Variants in THEMIS observed in about 807,000 individuals in gnomAD.
THEMIS encodes thymocyte selection associated.
In THEMIS, 37 loss-of-function variants were observed where a neutral mutation model predicts 52.6. That is an observed-to-expected ratio of 0.70 (90% confidence interval 0.54 to 0.93). The LOEUF (loss-of-function observed/expected upper bound fraction) is 0.93. Among genes scored for constraint, THEMIS ranks in the 40% least tolerant of loss-of-function variants. The pLI, the probability that THEMIS is intolerant of heterozygous loss-of-function variation, is 0.00. For synonymous variants in THEMIS, 292 were observed against 272.7 expected (o/e 1.07, Z -0.70); for missense variants, 808 against 763.1 (o/e 1.06, Z -0.69).
At position 127,821,850 on chromosome 6, in the gene THEMIS, A is replaced by G. The variant is rs529913952; in HGVS notation, c.709+7626T>C. On this transcript the variant is annotated intron_variant, in intron 3 of 5. Transcript: ENST00000368248. ...CTTGGTCTCAACTCACTAAGTGAGAACCAATCCTTTGCAATTGGACCTAAA... is the reference window on the plus strand; with the variant it reads ...CTTGGTCTCAACTCACTAAGTGAGAGCCAATCCTTTGCAATTGGACCTAAA... Among the ~76,000 whole-genome samples the G allele has an allele frequency of 3.9e-5, 6 of 152,114 alleles. No individual in the cohort carries two copies. In the East Asian group the frequency reaches 1.2e-3, roughly 29 times the overall value.
intron 3 of THEMIS, among the ~76,000 whole-genome samples, chr6:127,824,596 C>T (rs1051539669): frequency 6.8e-6 from 1 of 147,482 alleles, no homozygotes; most frequent in East Asian, 2.3e-4. Flanking sequence ...TACACCAAAA[C>T]TTAAAAAAAA....
At chr6:127,705,151 A>G (rs1402573720), downstream of THEMIS, among the ~76,000 whole-genome samples, 1 of 152,258 alleles carries the variant, frequency 6.6e-6, no homozygotes, top group Non-Finnish European at 1.5e-5. Context: ...GTTGAATATC[A>G]TGGATAAAAA....
chr6:127,746,640 T>C (rs12198957), intron 4 of THEMIS, among the ~76,000 whole-genome samples: 5,311 of 139,368 alleles, frequency 0.038, 126 homozygotes, highest in Middle Eastern at 0.054. Flanking sequence ...AAACAATAAA[T>C]GATGAATAAG....
At chr6:127,828,781 G>C (rs374219480) in intron 3 of THEMIS, among the ~76,000 whole-genome samples, 2 of 152,096 alleles carry the variant, frequency 1.3e-5, no homozygotes, top group South Asian at 4.1e-4. Flanking sequence ...GTGAAACCCT[G>C]TCTCTACTAA....
intron 4 of THEMIS, among the ~76,000 whole-genome samples, chr6:127,791,626 A>G (rs1229563417): frequency 6.6e-6 from 1 of 152,152 alleles, no homozygotes; most frequent in African/African-American, 2.4e-5. Context: ...CTTTCTGCCC[A>G]GGAGCCTGTT....
chr6:127,827,723 C>T (rs1778554679), intron 3 of THEMIS, among the ~76,000 whole-genome samples: 1 of 152,168 alleles, frequency 6.6e-6, no homozygotes, highest in African/African-American at 2.4e-5. Context: ...CTTAAATACC[C>T]ATCAAGCCCA....
intron 4 of THEMIS, among the ~76,000 whole-genome samples, chr6:127,806,677 A>G (rs1487495400): frequency 6.6e-6 from 1 of 152,214 alleles, no homozygotes; most frequent in Non-Finnish European, 1.5e-5. Flanking sequence ...TAGTTTAACC[A>G]ATTCCTTTTC....
chr6:127,701,732 G>A, the THEMIS span, among the ~76,000 whole-genome samples: 2 of 152,052 alleles, frequency 1.3e-5, no homozygotes, highest in Non-Finnish European at 2.9e-5. Flanking sequence ...TTAGCCATCT[G>A]GTAGGTTTAT....
chr6:127,889,470 T>C (rs1310251392), intron 1 of THEMIS, among the ~76,000 whole-genome samples: 2 of 152,144 alleles, frequency 1.3e-5, no homozygotes, highest in Non-Finnish European at 2.9e-5. Flanking sequence ...TGAGAGGGAC[T>C]CATAACATCA....
chr6:127,700,799 A>T, the THEMIS span, among the ~76,000 whole-genome samples: 1 of 152,000 alleles, frequency 6.6e-6, no homozygotes, highest in Admixed American at 6.5e-5. Flanking sequence ...ATCAAATAGC[A>T]ATGTTTCCCT....
intron 2 of THEMIS, among the ~76,000 whole-genome samples, chr6:127,834,916 T>G (rs1337613850): frequency 6.6e-6 from 1 of 152,210 alleles, no homozygotes; most frequent in Non-Finnish European, 1.5e-5. Context: ...TTAATAAATG[T>G]GCCGCACGTC....
chr6:127,826,402 C>T (rs973790267), intron 3 of THEMIS, among the ~76,000 whole-genome samples: 1 of 152,128 alleles, frequency 6.6e-6, no homozygotes, highest in Admixed American at 6.5e-5. Flanking sequence ...ATACAATATG[C>T]AGATACAACT....
Position 127,710,011 on chromosome 6 carries a change from A to G in THEMIS, c.1900T>C (p.Phe634Leu). The G allele has an allele frequency of 6.4e-7, 1 of 1,573,320 alleles. No individual in the cohort carries two copies. The highest frequency in any genetic ancestry group is 8.6e-7 in the Non-Finnish European group (1 of 1,156,698). The change falls in exon 6 of 6, where the codon TTC becomes CTC. Residue 634 changes from phenylalanine to leucine, a missense_variant. Phe to Leu is a conservative substitution (Grantham distance 22). Transcript: ENST00000368248. Reference protein sequence around the residue: ...NRGATAIAETFKNEKHQK With the variant: ...NRGATAIAETLKNEKHQK ...TATTTTTGATGTTTTTCATTTTTGA[A>G]TGTTTCTATAAATAAAAAAAGAAGG...
intron 4 of THEMIS, among the ~76,000 whole-genome samples, chr6:127,808,086 T>C (rs1013774393): frequency 6.6e-5 from 10 of 152,176 alleles, no homozygotes; most frequent in African/African-American, 2.4e-4. Flanking sequence ...CCGACAGAAA[T>C]CTAGAAACTC....
intron 4 of THEMIS, among the ~76,000 whole-genome samples, chr6:127,721,119 C>T (rs1002665003): frequency 1.3e-5 from 2 of 151,978 alleles, no homozygotes; most frequent in African/African-American, 4.8e-5. Context: ...GACTAGCTGG[C>T]TGCAGATTGA....
Position 127,813,683 on chromosome 6 carries a change from C to G in THEMIS, c.958G>C (p.Ala320Pro). Residue 320 changes from alanine to proline, a missense_variant, in exon 4 of 6, where the codon GCT becomes CCT. Coordinates refer to ENST00000368248, the MANE Select transcript of THEMIS (RefSeq NM_001010923.3). The stretch of plus-strand genomic sequence containing the variant: ...GGAAAATTGCTTCTAATTTCTGAAG[C>G]TAAGATTCTTGATGCCTGGTACTTT... ...HKKYQASRIL[A>P]SEIRSNFPKR... 1 of 1,614,110 alleles carries G rather than the reference C, an allele frequency of 6.2e-7. No individual in the cohort carries two copies.
intron 5 of THEMIS, among the ~76,000 whole-genome samples, chr6:127,717,983 A>G (rs569172033): frequency 2.0e-5 from 3 of 152,044 alleles, no homozygotes; most frequent in East Asian, 1.9e-4. Flanking sequence ...GAAGGCTACT[A>G]CATATTCCAT....
chr6:127,810,918 T>C (rs1200591695), intron 4 of THEMIS, among the ~76,000 whole-genome samples: 1 of 151,766 alleles, frequency 6.6e-6, no homozygotes, highest in Non-Finnish European at 1.5e-5. Flanking sequence ...AAAGCCAATA[T>C]GTAATGAAAA....
intron 4 of THEMIS, among the ~76,000 whole-genome samples, chr6:127,727,710 C>A (rs1266514122): frequency 6.6e-6 from 1 of 152,100 alleles, no homozygotes; most frequent in Non-Finnish European, 1.5e-5. Flanking sequence ...TTCAAGCCTT[C>A]AAATTACTGT....
Sources: allele counts gnomAD v4.1 joint callset (sites outside exome capture counted in the v4.1 genomes callset), GRCh38; gene constraint gnomAD v4.1.1; transcripts MANE v1.5; gene names NCBI Gene and HGNC (gene_info 2026-07-23, HGNC 2026-07-21).